The following PDE1C variants were observed in gnomAD, a reference collection of about 807,000 sequenced individuals.
PDE1C encodes the protein phosphodiesterase 1C, also known as dual specificity calcium/calmodulin-dependent 3',5'-cyclic nucleotide phosphodiesterase 1C.
PDE1C carries 62 observed loss-of-function variants against 93.1 expected under a neutral mutation model. The observed-to-expected ratio is 0.67, with a 90% confidence interval of 0.54 to 0.82. The LOEUF is 0.82. Among genes scored for constraint, PDE1C ranks in the 40% least tolerant of loss-of-function variants. The probability of loss-of-function intolerance (pLI) is 0.00; values close to 1 mark genes in which losing one functional copy is unlikely to be tolerated. For synonymous variants in PDE1C, 325 were observed against 310.1 expected (o/e 1.05, Z -0.50); for missense variants, 742 against 884.6 (o/e 0.84, Z 2.04).
At chr7:32,313,034 A>C (rs1783084956) in intron 1 of PDE1C, among the ~76,000 whole-genome samples, 1 of 151,906 alleles carries the variant, frequency 6.6e-6, no homozygotes, top group Non-Finnish European at 1.5e-5. Context: ...CAGAATCTAC[A>C]ATGAACTCAA....
intron 2 of PDE1C, among the ~76,000 whole-genome samples, chr7:32,205,632 G>C (rs760823454): frequency 1.2e-4 from 18 of 152,278 alleles, no homozygotes; most frequent in Admixed American, 3.3e-4. Flanking sequence ...GGGTCTGCTT[G>C]TGCCCTGCAG....
intron 3 of PDE1C, among the ~76,000 whole-genome samples, chr7:32,092,323 C>A (rs1401881534): frequency 6.6e-6 from 1 of 152,118 alleles, no homozygotes; most frequent in African/African-American, 2.4e-5. Flanking sequence ...GCTGCATAAT[C>A]TTCTCTCCTG....
At chr7:32,094,259 T>C (rs1394879603) in intron 3 of PDE1C, among the ~76,000 whole-genome samples, 2 of 152,148 alleles carry the variant, frequency 1.3e-5, no homozygotes, top group African/African-American at 4.8e-5. Context: ...AAGGAAAAGA[T>C]GCTGTCCTCT....
At chr7:31,792,638 A>G (rs996521983) in intron 16 of PDE1C, among the ~76,000 whole-genome samples, 1 of 152,076 alleles carries the variant, frequency 6.6e-6, no homozygotes, top group African/African-American at 2.4e-5. Context: ...CAGCTTTGGC[A>G]TGGTTTGCAA....
chr7:31,939,218 C>CAGA (rs201931831), intron 2 of PDE1C, among the ~76,000 whole-genome samples: 4 of 151,592 alleles, frequency 2.6e-5, no homozygotes, highest in African/African-American at 9.7e-5. Context: ...GAGAGAGAGA[C>CAGA]AGAAGAAGAA....
intron 1 of PDE1C, among the ~76,000 whole-genome samples, chr7:32,323,339 C>A (rs924456800): frequency 6.6e-6 from 1 of 152,146 alleles, no homozygotes; most frequent in Non-Finnish European, 1.5e-5. Flanking sequence ...TCACTGAATT[C>A]AACTCAGAGT....
intron 1 of PDE1C, among the ~76,000 whole-genome samples, chr7:32,337,107 G>T (rs1295384609): frequency 6.6e-6 from 1 of 151,274 alleles, no homozygotes; most frequent in African/African-American, 2.4e-5. Context: ...ATAACCTCTT[G>T]CCTAGAGAGG....
Position 32,298,650 on chromosome 7 carries a change from C to T in PDE1C, c.85+1G>A. ...GTCCGAGAGGGGTGGAAAGTTCTCA[C>T]CTATGGTGAAGCTGTAGCCATCGAT... is the stretch of plus-strand genomic sequence containing the variant. On this transcript the variant is annotated splice_donor_variant, in intron 1 of 18. Transcript: ENST00000396193. LOFTEE classifies it high-confidence loss of function. 2.5e-6 allele frequency: 4 copies of T among 1,603,844 alleles called. No individual in the cohort carries two copies. The highest frequency in any genetic ancestry group is 3.4e-6 in the Non-Finnish European group (4 of 1,175,718).
chr7:31,726,180 C>A, the PDE1C span, among the ~76,000 whole-genome samples: 1 of 152,244 alleles, frequency 6.6e-6, no homozygotes, highest in South Asian at 2.1e-4. Flanking sequence ...GCATTTCTCC[C>A]GCTTTAATCT....
At chr7:32,047,944 G>T (rs1339688954) in intron 2 of PDE1C, among the ~76,000 whole-genome samples, 3 of 152,120 alleles carry the variant, frequency 2.0e-5, no homozygotes, top group Admixed American at 6.5e-5. Context: ...ACTGCAGTTA[G>T]AATTAAACTC....
chr7:31,695,818 A>T, the PDE1C span: 1 of 423,422 alleles, frequency 2.4e-6, no homozygotes, highest in African/African-American at 2.6e-5. Context: ...GGCTTAATAC[A>T]ATAAAAGTTT....
the PDE1C span, among the ~76,000 whole-genome samples, chr7:31,666,408 T>A: frequency 1.3e-5 from 2 of 152,236 alleles, no homozygotes; most frequent in African/African-American, 4.8e-5. Flanking sequence ...CCCTCATTAA[T>A]GAGTTTAGTA....
At chr7:32,282,823 G>A (rs534141085) in intron 1 of PDE1C, among the ~76,000 whole-genome samples, 7 of 152,034 alleles carry the variant, frequency 4.6e-5, no homozygotes, top group South Asian at 4.2e-4. Flanking sequence ...CTCGTGATCC[G>A]CCCACCTCCG....
intron 2 of PDE1C, among the ~76,000 whole-genome samples, chr7:31,990,237 T>TGGGGAC (rs746605934): frequency 5.3e-5 from 8 of 152,208 alleles, no homozygotes; most frequent in Non-Finnish European, 1.2e-4. Context: ...AATTGAATCA[T>TGGGGAC]GGGGACGGGT....
chr7:31,809,497 G>A (rs781291741), intron 15 of PDE1C, among the ~76,000 whole-genome samples: 3 of 151,888 alleles, frequency 2.0e-5, no homozygotes, highest in Non-Finnish European at 2.9e-5. Flanking sequence ...CTACCTTATA[G>A]GCATTTTGGA....
chr7:32,161,779 C>T (rs60582977), intron 3 of PDE1C, among the ~76,000 whole-genome samples: 2 of 152,000 alleles, frequency 1.3e-5, no homozygotes, highest in Non-Finnish European at 2.9e-5. Flanking sequence ...CTCCTCCTCC[C>T]AACCCAACAG....
chr7:31,855,795 A>G (rs1793941952), intron 7 of PDE1C, among the ~76,000 whole-genome samples: 1 of 143,566 alleles, frequency 7.0e-6, no homozygotes, highest in Middle Eastern at 3.5e-3. Flanking sequence ...CTTTCTGGAA[A>G]AAAAAAAAAA....
At chr7:31,626,431 G>A in the PDE1C span, among the ~76,000 whole-genome samples, 2 of 152,048 alleles carry the variant, frequency 1.3e-5, no homozygotes, top group Non-Finnish European at 2.9e-5. Context: ...AATTAATCTG[G>A]TACTATTTAG....
intron 1 of PDE1C, among the ~76,000 whole-genome samples, chr7:32,258,570 C>T (rs1266521857): frequency 6.6e-6 from 1 of 152,146 alleles, no homozygotes; most frequent in African/African-American, 2.4e-5. Context: ...ATGCCCAGCA[C>T]AATCTGTACC....
Sources: allele counts gnomAD v4.1 joint callset (sites outside exome capture counted in the v4.1 genomes callset), GRCh38; gene constraint gnomAD v4.1.1; transcripts MANE v1.5; gene names NCBI Gene and HGNC (gene_info 2026-07-23, HGNC 2026-07-21).